LYN: variants seen among roughly 807,000 people sequenced by gnomAD.
LYN encodes the protein LYN proto-oncogene, Src family tyrosine kinase, also known as tyrosine-protein kinase Lyn.
A neutral mutation model predicts 65.0 loss-of-function variants in LYN; 12 were observed. The ratio of observed to expected loss-of-function variants is 0.18; its 90% CI spans 0.12 to 0.30. The LOEUF (loss-of-function observed/expected upper bound fraction) is 0.30. Ranked by LOEUF, LYN falls within the 10% of genes least tolerant of loss-of-function variation. The pLI, the probability that LYN is intolerant of heterozygous loss-of-function variation, is 1.00. For synonymous variants in LYN, 222 were observed against 221.2 expected (o/e 1.00, Z -0.03); for missense variants, 380 against 623.2 (o/e 0.61, Z 4.16).
intron 1 of LYN, among the ~76,000 whole-genome samples, chr8:55,894,447 G>A (rs974883346): frequency 6.6e-6 from 1 of 151,294 alleles, no homozygotes; most frequent in East Asian, 2.0e-4. Flanking sequence ...TTGGCTCACT[G>A]CAGCCTCAAC....
At chr8:55,969,033 C>T (rs374300368) in intron 9 of LYN, among the ~76,000 whole-genome samples, 1 of 152,280 alleles carries the variant, frequency 6.6e-6, no homozygotes, top group South Asian at 2.1e-4. Context: ...ATAATCCCAG[C>T]CCTTTTGGAG....
intron 12 of LYN, among the ~76,000 whole-genome samples, chr8:56,008,490 A>G (rs1475413139): frequency 6.6e-6 from 1 of 152,240 alleles, no homozygotes; most frequent in Non-Finnish European, 1.5e-5. Flanking sequence ...AGAACAGGGT[A>G]TCCATGAAAT....
intron 1 of LYN, among the ~76,000 whole-genome samples, chr8:55,937,246 T>G (rs919172692): frequency 6.6e-6 from 1 of 152,216 alleles, no homozygotes. Flanking sequence ...TCTTAGATTT[T>G]TTTCCTGTGG....
intron 1 of LYN, among the ~76,000 whole-genome samples, chr8:55,897,289 A>G (rs1805142055): frequency 6.6e-6 from 1 of 152,204 alleles, no homozygotes; most frequent in South Asian, 2.1e-4. Context: ...GATTAAGAAC[A>G]GTAAAGCTTT....
chr8:56,002,627 A>ATTAAT (rs535621661), intron 12 of LYN, among the ~76,000 whole-genome samples: 2,166 of 150,792 alleles, frequency 0.014, 50 homozygotes, highest in African/African-American at 0.044. Context: ...ATTAAATTAA[A>ATTAAT]TTAAATTAAA....
chr8:55,997,556 C>T (rs1035635107), intron 10 of LYN, among the ~76,000 whole-genome samples: 2 of 152,070 alleles, frequency 1.3e-5, no homozygotes, highest in African/African-American at 2.4e-5. Context: ...TAATCCCATT[C>T]GTGAGGGCTC....
At chr8:55,910,632 C>T (rs4551325) in intron 1 of LYN, among the ~76,000 whole-genome samples, 104,187 of 152,024 alleles carry the variant, frequency 0.69, 35,822 homozygotes, top group East Asian at 0.95. Context: ...TATTTGTGCT[C>T]TCTTTTGGTT....
At chr8:55,908,398 C>T (rs1805492317) in intron 1 of LYN, among the ~76,000 whole-genome samples, 1 of 151,852 alleles carries the variant, frequency 6.6e-6, no homozygotes, top group Admixed American at 6.6e-5. Context: ...GCACCCCCCA[C>T]CGCGACCTGC....
rs1808842892 is a variant in LYN, at chr8:56,012,373, C to T, written c.*2263C>T. On this transcript the variant is annotated 3_prime_UTR_variant, in exon 13 of 13. Transcript: ENST00000519728. Reference sequence around the variant, plus strand: ...AAGACAGAATCCATACTCCCTACCGCCAAGATTCTGACTTAGCTGTTGTGC... The same window carrying T: ...AAGACAGAATCCATACTCCCTACCGTCAAGATTCTGACTTAGCTGTTGTGC... 5.6e-6 allele frequency: 1 copy of T among 179,038 alleles called. No individual in the cohort carries two copies. Among genetic ancestry groups the T allele is most frequent in the Non-Finnish European group, 1.2e-5 (1 of 83,554 alleles). The allele number at this position is 179,038 out of a possible 1,614,324, so 11.1% of individuals were successfully genotyped here.
intron 10 of LYN, among the ~76,000 whole-genome samples, chr8:55,979,955 C>A (rs1022931489): frequency 1.3e-5 from 2 of 152,194 alleles, no homozygotes; most frequent in African/African-American, 4.8e-5. Context: ...AAGACCTGTT[C>A]CTTGGAGATG....
chr8:55,914,818 A>G (rs1017651223), intron 1 of LYN, among the ~76,000 whole-genome samples: 3 of 152,154 alleles, frequency 2.0e-5, no homozygotes, highest in African/African-American at 7.2e-5. Context: ...CCTCCTGTTC[A>G]TTTTGTTTGT....
intron 1 of LYN, among the ~76,000 whole-genome samples, chr8:55,941,208 A>G (rs1417630485): frequency 6.6e-6 from 1 of 152,002 alleles, no homozygotes; most frequent in Non-Finnish European, 1.5e-5. Context: ...TGCAGATTGG[A>G]TGTGTCATTT....
intron 12 of LYN, among the ~76,000 whole-genome samples, chr8:56,008,830 C>T (rs756847071): frequency 2.1e-4 from 32 of 152,174 alleles, no homozygotes; most frequent in Middle Eastern, 3.2e-3. Context: ...CAGTTAACTG[C>T]GTCTGTGAAG....
intron 8 of LYN, among the ~76,000 whole-genome samples, chr8:55,955,477 C>T (rs1271980661): frequency 2.0e-5 from 3 of 152,186 alleles, no homozygotes; most frequent in African/African-American, 7.2e-5. Flanking sequence ...TTCCCATGCA[C>T]ACTCTGTTGT....
chr8:55,979,201 C>T (rs544768259), intron 10 of LYN, among the ~76,000 whole-genome samples: 10 of 152,156 alleles, frequency 6.6e-5, no homozygotes, highest in Admixed American at 5.9e-4. Flanking sequence ...TGCCACCACG[C>T]CCAGCTAATT....
chr8:55,943,062 T>C (rs1372236636), intron 2 of LYN, among the ~76,000 whole-genome samples: 1 of 152,228 alleles, frequency 6.6e-6, no homozygotes, highest in African/African-American at 2.4e-5. Context: ...TTATGAGTGA[T>C]GTGCTATTTG....
intron 1 of LYN, among the ~76,000 whole-genome samples, chr8:55,926,166 T>G (rs1806105298): frequency 6.6e-6 from 1 of 152,250 alleles, no homozygotes; most frequent in Admixed American, 6.5e-5. Context: ...CCTACCTTCC[T>G]GAAGCCTCTC....
intron 1 of LYN, among the ~76,000 whole-genome samples, chr8:55,932,483 G>A (rs1394600666): frequency 6.6e-6 from 1 of 151,896 alleles, no homozygotes; most frequent in African/African-American, 2.4e-5. Flanking sequence ...GTACAGTGGT[G>A]CTATCTTGGC....
chr8:55,905,102 C>G lies in LYN; in HGVS notation c.-6+24999C>G, dbSNP rs57109999. Among the ~76,000 whole-genome samples, 82 of 152,234 alleles carry G rather than the reference C, an allele frequency of 5.4e-4. No individual in the cohort carries two copies. In the East Asian group the frequency reaches 0.015, roughly 28 times the overall value. On this transcript the variant is annotated intron_variant, in intron 1 of 12. Coordinates refer to ENST00000519728, the MANE Select transcript of LYN (RefSeq NM_002350.4). The stretch of plus-strand genomic sequence containing the variant: ...TAGATTCAGCTATGTGGGAATCTTT[C>G]GGCTATTTTAGAAAACATGGTGACC...
Sources: allele counts gnomAD v4.1 joint callset (sites outside exome capture counted in the v4.1 genomes callset), GRCh38; gene constraint gnomAD v4.1.1; transcripts MANE v1.5; gene names NCBI Gene and HGNC (gene_info 2026-07-23, HGNC 2026-07-21).